CNTNAP3B: variants seen among roughly 807,000 people sequenced by gnomAD.
CNTNAP3B encodes the protein contactin associated protein family member 3B, also known as contactin-associated protein-like 3B.
In CNTNAP3B, 25 loss-of-function variants were observed where a neutral mutation model predicts 108.9. That is an observed-to-expected ratio of 0.23 (90% confidence interval 0.17 to 0.32). The LOEUF (loss-of-function observed/expected upper bound fraction) is 0.32. Among genes scored for constraint, CNTNAP3B ranks in the 10% least tolerant of loss-of-function variants. The pLI is 1.00. For missense variants in CNTNAP3B, 252 were observed against 1,210.4 expected, an observed-to-expected ratio of 0.21 and a Z score of 11.75; for synonymous variants, 103 against 473.4, an observed-to-expected ratio of 0.22 and a Z score of 10.16.
chr9:41,959,525 G>A (rs1311240906), intron 12 of CNTNAP3B, among the ~76,000 whole-genome samples: 1 of 152,302 alleles, frequency 6.6e-6, no homozygotes, highest in Non-Finnish European at 1.5e-5. Context: ...TCCTGGTTGT[G>A]ACTTTGGTTG....
chr9:41,977,004 G>A lies in CNTNAP3B; in HGVS notation c.1478-6759C>T, dbSNP rs553284959. 2.7e-4 allele frequency among the ~76,000 whole-genome samples: 39 copies of A among 143,752 alleles called. No individual in the cohort carries two copies. In the East Asian group the frequency reaches 7.6e-3, roughly 28 times the overall value. The allele number at this position is 143,752 out of a possible 152,430, so 94.3% of individuals were successfully genotyped here. On this transcript the variant is annotated intron_variant, in intron 9 of 23. Coordinates refer to ENST00000377561, the MANE Select transcript of CNTNAP3B (RefSeq NM_001201380.3). ...CAAAAATGAAAATTGCCTAACAATA[G>A]CAAAATGGGACAGTAGAACTGATAA...
chr9:42,118,775 C>A (rs1419254005), intron 1 of CNTNAP3B, among the ~76,000 whole-genome samples: 2 of 110,646 alleles, frequency 1.8e-5, no homozygotes, highest in East Asian at 2.9e-4. Flanking sequence ...ATTTAGAAAA[C>A]CCCATCGTCT....
At position 41,913,407 on chromosome 9, in the gene CNTNAP3B, T is replaced by C. The variant is rs1324459349; in HGVS notation, c.2996-4626A>G. Among the ~76,000 whole-genome samples, 823 of 151,270 alleles carry C rather than the reference T, an allele frequency of 5.4e-3. 1 individual carries two copies. The highest frequency in any genetic ancestry group is 0.019 in the African/African-American group (779 of 40,898). Reference sequence around the variant, plus strand: ...CATTTTCTTTTTCTTTTTCTATGTGTTTCATTTGTTTTCTTTTCACTTTCC... The same window carrying C: ...CATTTTCTTTTTCTTTTTCTATGTGCTTCATTTGTTTTCTTTTCACTTTCC... On this transcript the variant is annotated intron_variant, in intron 18 of 23. Coordinates refer to ENST00000377561, the MANE Select transcript of CNTNAP3B (RefSeq NM_001201380.3).
chr9:41,954,375 C>A (rs1824793119), intron 12 of CNTNAP3B, among the ~76,000 whole-genome samples: 1 of 152,258 alleles, frequency 6.6e-6, no homozygotes, highest in African/African-American at 2.4e-5. Context: ...AGACAAATTT[C>A]ACAGCCTTAC....
At position 42,110,583 on chromosome 9, in the gene CNTNAP3B, G is replaced by A. The variant is rs564618751; in HGVS notation, c.86-5844C>T. Among the ~76,000 whole-genome samples, 5 of 135,922 alleles carry A rather than the reference G, an allele frequency of 3.7e-5. 1 individual carries two copies. The East Asian group carries it at 8.9e-4, about 24-fold the overall frequency. The allele number at this position is 135,922 out of a possible 152,430, so 89.2% of individuals were successfully genotyped here. A position where few individuals can be genotyped will look rare whatever the true frequency, so the allele number is the denominator to read the frequency against. ...TTCCTGTCCTTTCTCAGACTGTCTC[G>A]ATTAGGTCAAATTCACTAACTCCAC... On this transcript the variant is annotated intron_variant, in intron 1 of 23. Coordinates refer to ENST00000377561, the MANE Select transcript of CNTNAP3B (RefSeq NM_001201380.3).
chr9:42,056,162 T>C lies in CNTNAP3B; in HGVS notation c.390+20707A>G, dbSNP rs562122313. Among the ~76,000 whole-genome samples the C allele has an allele frequency of 1.9e-3, 258 of 133,648 alleles. 14 individuals are homozygous for C. The Middle Eastern group carries it at 0.022, about 12-fold the overall frequency. The allele number at this position is 133,648 out of a possible 152,430, so 87.7% of individuals were successfully genotyped here. A position where few individuals can be genotyped will look rare whatever the true frequency, so the allele number is the denominator to read the frequency against. On this transcript the variant is annotated intron_variant, in intron 3 of 23. Coordinates refer to ENST00000377561, the MANE Select transcript of CNTNAP3B (RefSeq NM_001201380.3). ...CATACTATTTAATTTTAAGAGACTT[T>C]AAATTTAATGCATTAACTATGAAAG...
chr9:42,071,445 T>A (rs2077172029), intron 3 of CNTNAP3B, among the ~76,000 whole-genome samples: 2 of 136,866 alleles, frequency 1.5e-5, no homozygotes, highest in African/African-American at 5.8e-5. Context: ...CACAAAATAT[T>A]TGAAGCCACA....
chr9:41,982,695 G>A (rs1825654787), intron 9 of CNTNAP3B, among the ~76,000 whole-genome samples: 1 of 151,250 alleles, frequency 6.6e-6, no homozygotes, highest in Non-Finnish European at 1.5e-5. Context: ...ACTCGACCCA[G>A]CAACCCCATT....
chr9:42,063,912 G>A (rs1336509836), intron 3 of CNTNAP3B, among the ~76,000 whole-genome samples: 38 of 149,968 alleles, frequency 2.5e-4, no homozygotes, highest in East Asian at 2.1e-3. Context: ...AAACTTTCTA[G>A]ACCTTTGTCC....
intron 2 of CNTNAP3B, among the ~76,000 whole-genome samples, chr9:42,085,234 G>T (rs1827679101): frequency 6.6e-6 from 1 of 152,070 alleles, no homozygotes; most frequent in Admixed American, 6.5e-5. Context: ...TCTACCAATG[G>T]TTACATCTTA....
chr9:42,027,827 A>G lies in CNTNAP3B; in HGVS notation c.391-14302T>C, dbSNP rs1826439480. 6.1e-5 allele frequency among the ~76,000 whole-genome samples: 7 copies of G among 114,170 alleles called. 1 individual carries two copies. The Admixed American group carries it at 6.3e-4, about 10-fold the overall frequency. The allele number at this position is 114,170 out of a possible 152,430, so 74.9% of individuals were successfully genotyped here. On this transcript the variant is annotated intron_variant, in intron 3 of 23. Coordinates refer to ENST00000377561, the MANE Select transcript of CNTNAP3B (RefSeq NM_001201380.3). ...ACTAAGAAATTAAAGGGATGCTTCA[A>G]TACTGTGAATATTGATGACAAAGAA...
chr9:42,096,260 G>A (rs1221505017), intron 2 of CNTNAP3B, among the ~76,000 whole-genome samples: 1 of 139,126 alleles, frequency 7.2e-6, no homozygotes, highest in African/African-American at 2.9e-5. Context: ...GCCACCACCG[G>A]CAAGGCTCTG....
At chr9:41,932,469 A>G (rs1334967272) in intron 14 of CNTNAP3B, among the ~76,000 whole-genome samples, 1 of 151,734 alleles carries the variant, frequency 6.6e-6, no homozygotes, top group Non-Finnish European at 1.5e-5. Context: ...GAGGTTGCAA[A>G]GAAAGCTAAA....
intron 13 of CNTNAP3B, among the ~76,000 whole-genome samples, chr9:41,950,402 T>C (rs1214411543): frequency 3.6e-4 from 50 of 138,778 alleles, no homozygotes; most frequent in Non-Finnish European, 7.2e-4. Flanking sequence ...TCCAGAGAAA[T>C]GAAAACTAAT....
At chr9:41,929,183 G>T in intron 15 of CNTNAP3B, 134 bp downstream of exon 15, 1 of 1,369,244 alleles carries the variant, frequency 7.3e-7, no homozygotes, top group Non-Finnish European at 9.6e-7. Context: ...TATGGTATGT[G>T]TGTTTTCCTG....
chr9:41,973,803 T>G (rs1825474658), intron 9 of CNTNAP3B, among the ~76,000 whole-genome samples: 1 of 135,026 alleles, frequency 7.4e-6, no homozygotes, highest in African/African-American at 3.0e-5. Context: ...AATGACAGTA[T>G]AGAAGATAGG....
At chr9:41,945,362 A>G (rs1315651825) in intron 13 of CNTNAP3B, among the ~76,000 whole-genome samples, 1 of 152,308 alleles carries the variant, frequency 6.6e-6, no homozygotes, top group Non-Finnish European at 1.5e-5. Context: ...ACTTGGAACC[A>G]ACCCAAATGT....
In CNTNAP3B at chr9:41,950,065, GAAC is replaced by G. The variant is rs1348647336; in HGVS notation, c.2080+3115_2080+3117del. Among the ~76,000 whole-genome samples, 6 of 103,580 alleles carry G rather than the reference GAAC, an allele frequency of 5.8e-5. 2 individuals are homozygous for G. Among genetic ancestry groups the G allele is most frequent in the East Asian group, 7.0e-4 (2 of 2,838 alleles). The allele number at this position is 103,580 out of a possible 152,430, so 68.0% of individuals were successfully genotyped here. A position where few individuals can be genotyped will look rare whatever the true frequency, so the allele number is the denominator to read the frequency against. On this transcript the variant is annotated intron_variant, in intron 13 of 23. Coordinates refer to ENST00000377561, the MANE Select transcript of CNTNAP3B (RefSeq NM_001201380.3). ...AATCCAAACAATCCAATTAGAAAAT[GAAC>G]AACAACAAAAACATTCACAGACATC...
At chr9:41,931,333 A>G (rs1219637313) in intron 14 of CNTNAP3B, among the ~76,000 whole-genome samples, 2 of 152,136 alleles carry the variant, frequency 1.3e-5, no homozygotes, top group Non-Finnish European at 2.9e-5. Flanking sequence ...GAACATTACA[A>G]TTCTCTTCTG....
Sources: gnomAD v4.1 joint callset for allele counts (sites outside exome capture counted in the v4.1 genomes callset) on GRCh38, gnomAD v4.1.1 for gene constraint, MANE v1.5 for transcripts, NCBI Gene and HGNC (gene_info 2026-07-23, HGNC 2026-07-21) for gene names.